Variants in PBRM1 observed in about 807,000 individuals in gnomAD.
The protein encoded by PBRM1 is protein polybromo-1.
Under a neutral mutation model 194.5 loss-of-function variants are expected in PBRM1, and 27 were observed. The ratio of observed to expected loss-of-function variants is 0.14; its 90% CI spans 0.10 to 0.19. The LOEUF (loss-of-function observed/expected upper bound fraction) is 0.19. PBRM1 is among the 10% of genes least tolerant of loss of function. The pLI is 1.00. For missense variants in PBRM1, 1,466 were observed against 2,077.2 expected (o/e 0.71, Z 5.72); for synonymous variants, 655 against 693.2 (o/e 0.94, Z 0.87).
chr3:52,567,311 G>A (rs1186044557), intron 22 of PBRM1, among the ~76,000 whole-genome samples: 1 of 151,890 alleles, frequency 6.6e-6, no homozygotes, highest in African/African-American at 2.4e-5. Context: ...AAATAATGCT[G>A]AAATAAATAA....
chr3:52,641,468 AAAAAAAG>A (rs1299602738), intron 10 of PBRM1, among the ~76,000 whole-genome samples: 1 of 151,070 alleles, frequency 6.6e-6, no homozygotes, highest in Non-Finnish European at 1.5e-5. Context: ...AAAAAAGAAA[AAAAAAAG>A]AAAGAAAGAA....
At chr3:52,562,289 T>C (rs2083781703) in intron 24 of PBRM1, among the ~76,000 whole-genome samples, 2 of 148,348 alleles carry the variant, frequency 1.3e-5, no homozygotes, top group Admixed American at 6.8e-5. Context: ...ACGGCGCCAC[T>C]GCACTCCAGC....
chr3:52,574,251 A>G (rs2088571493), intron 22 of PBRM1, among the ~76,000 whole-genome samples: 1 of 152,228 alleles, frequency 6.6e-6, no homozygotes, highest in Non-Finnish European at 1.5e-5. Flanking sequence ...TGTAAGAGAC[A>G]GCAAACCCAT....
rs146513772 is a variant in PBRM1 at position 52,633,211 on chromosome 3, G to A, written c.1301+1391C>T. ...TCTGATTTTTTTTTTTAATGTTCTGGATCAGCGTCTATGTCTCTATGACTT... is the reference window on the plus strand; with the variant it reads ...TCTGATTTTTTTTTTTAATGTTCTGAATCAGCGTCTATGTCTCTATGACTT... On this transcript the variant is annotated intron_variant, in intron 11 of 29. Transcript: ENST00000296302. Among the ~76,000 whole-genome samples the A allele has an allele frequency of 5.2e-3, 794 of 151,550 alleles. 9 individuals are homozygous for A. The highest frequency in any genetic ancestry group is 0.018 in the African/African-American group (732 of 41,306).
intron 17 of PBRM1, among the ~76,000 whole-genome samples, chr3:52,597,508 T>C (rs2093661242): frequency 6.6e-6 from 1 of 152,306 alleles, no homozygotes; most frequent in Non-Finnish European, 1.5e-5. Flanking sequence ...ATAAGGTTCT[T>C]GAGAATTTTA....
chr3:52,613,420 T>C (rs940857519), intron 15 of PBRM1, among the ~76,000 whole-genome samples: 1 of 151,778 alleles, frequency 6.6e-6, no homozygotes, highest in African/African-American at 2.4e-5. Flanking sequence ...ACTGCAGCCT[T>C]GACCTCGTGG....
At chr3:52,619,779 G>T (rs758542668) in intron 13 of PBRM1, among the ~76,000 whole-genome samples, 5 of 152,118 alleles carry the variant, frequency 3.3e-5, no homozygotes, top group Admixed American at 6.5e-5. Context: ...GAAAAATCAA[G>T]AATTAACAGT....
chr3:52,627,202 T>C (rs907174046), intron 13 of PBRM1, 71 bp downstream of exon 14: 2 of 782,156 alleles, frequency 2.6e-6, no homozygotes, highest in South Asian at 1.6e-5. Context: ...AAAAAATATA[T>C]ATTTTCTTCA....
chr3:52,617,559 A>G (rs746259622), intron 13 of PBRM1, 21 bp from the exon 16 acceptor site: 1 of 1,569,622 alleles, frequency 6.4e-7, no homozygotes, highest in Non-Finnish European at 8.6e-7. Context: ...GGAGGTAGAA[A>G]AGGGGAAAAA....
At chr3:52,615,148 A>G (rs573258066) in intron 15 of PBRM1, among the ~76,000 whole-genome samples, 26 of 152,382 alleles carry the variant, frequency 1.7e-4, no homozygotes, top group African/African-American at 6.0e-4. Flanking sequence ...AACCTCTGAC[A>G]TTATATTTTA....
chr3:52,555,072 T>G (rs1407943044), intron 26 of PBRM1, among the ~76,000 whole-genome samples, 193 bp from the exon 29 acceptor site: 1 of 152,258 alleles, frequency 6.6e-6, no homozygotes, highest in South Asian at 2.1e-4. Context: ...ACCCAACATT[T>G]TGGGATGAAT....
intron 13 of PBRM1, among the ~76,000 whole-genome samples, chr3:52,624,492 A>G (rs957945296): frequency 6.6e-6 from 1 of 152,208 alleles, no homozygotes; most frequent in African/African-American, 2.4e-5. Context: ...GTCCACATGC[A>G]CTGATGTCAC....
intron 27 of PBRM1, among the ~76,000 whole-genome samples, chr3:52,552,628 T>A (rs1450895247): frequency 6.6e-6 from 1 of 152,046 alleles, no homozygotes; most frequent in Non-Finnish European, 1.5e-5. Context: ...TCCAGTTGAA[T>A]TTAGGATTTC....
At position 52,647,920 on chromosome 3, in the gene PBRM1, T is replaced by C. The variant is rs972677423; in HGVS notation, c.813+424A>G. ...TAAAAACCATTACATTAAATACTTT[T>C]TTTTTTTTCTTTTTGAGACAGAGTC... On this transcript the variant is annotated intron_variant, in intron 7 of 29. Coordinates refer to ENST00000296302, the Ensembl canonical transcript of PBRM1. 1.7e-4 allele frequency among the ~76,000 whole-genome samples: 26 copies of C among 152,120 alleles called. 1 individual carries two copies. Among genetic ancestry groups the C allele is most frequent in the Admixed American group, 1.3e-3 (20 of 15,276 alleles).
chr3:52,655,438 G>A (rs1439019024), intron 5 of PBRM1, among the ~76,000 whole-genome samples: 1 of 152,100 alleles, frequency 6.6e-6, no homozygotes, highest in African/African-American at 2.4e-5. Context: ...ATATGCCACT[G>A]TATGTATATG....
chr3:52,653,880 A>G (rs1281930394), intron 5 of PBRM1, among the ~76,000 whole-genome samples: 1 of 152,242 alleles, frequency 6.6e-6, no homozygotes, highest in African/African-American at 2.4e-5. Flanking sequence ...ACTGCACTCC[A>G]GCCTGGGTGA....
intron 13 of PBRM1, among the ~76,000 whole-genome samples, chr3:52,620,839 G>T (rs1487846915): frequency 6.6e-6 from 1 of 152,134 alleles, no homozygotes; most frequent in Non-Finnish European, 1.5e-5. Flanking sequence ...CAGCCTCAAA[G>T]AAAGCAAAAT....
intron 4 of PBRM1, 51 bp downstream of exon 5, chr3:52,662,082 C>G (rs1209837498): frequency 1.3e-6 from 2 of 1,592,164 alleles, no homozygotes; most frequent in Non-Finnish European, 1.7e-6. Flanking sequence ...AGCAGGGGCC[C>G]TCTCTGCCTT....
chr3:52,651,692 A>T (rs1227791572), intron 6 of PBRM1, 50 bp downstream of exon 7: 1 of 1,049,334 alleles, frequency 9.5e-7, no homozygotes, highest in Non-Finnish European at 1.4e-6. Flanking sequence ...GAAAGATCAT[A>T]GGCCAATCTG....
Sources: gnomAD v4.1 joint callset for allele counts (sites outside exome capture counted in the v4.1 genomes callset) on GRCh38, gnomAD v4.1.1 for gene constraint, MANE v1.5 for transcripts, NCBI Gene and HGNC (gene_info 2026-07-23, HGNC 2026-07-21) for gene names.